Variants in DLGAP2 observed in about 807,000 individuals in gnomAD.
DLGAP2 encodes DLG associated protein 2.
DLGAP2 carries 26 observed loss-of-function variants against 100.3 expected under a neutral mutation model. The observed-to-expected ratio is 0.26, with a 90% confidence interval of 0.19 to 0.36. The LOEUF (loss-of-function observed/expected upper bound fraction) is 0.36, where lower values mean the gene tolerates loss of function less well. Ranked by LOEUF, DLGAP2 falls within the 10% of genes least tolerant of loss-of-function variation. DLGAP2 has a pLI of 1.00. For synonymous variants in DLGAP2, 886 were observed against 630.1 expected (o/e 1.41, Z -6.08); for missense variants, 1,858 against 1,453.2 (o/e 1.28, Z -4.53).
At chr8:1,062,069 G>A (rs1463235326) in intron 2 of DLGAP2, among the ~76,000 whole-genome samples, 2 of 151,828 alleles carry the variant, frequency 1.3e-5, no homozygotes, top group African/African-American at 2.4e-5. Flanking sequence ...GGAGATAGAG[G>A]CACCTGCTTT....
chr8:993,735 G>A (rs1487975042), intron 2 of DLGAP2, among the ~76,000 whole-genome samples: 1 of 150,810 alleles, frequency 6.6e-6, no homozygotes, highest in Non-Finnish European at 1.5e-5. Context: ...GTGGCCAGAG[G>A]AGCAGTTCTC....
rs561961041 is a variant in DLGAP2, at chr8:932,358, T to TA, written c.73+24393dup. On this transcript the variant is annotated intron_variant, in intron 2 of 14. Transcript: ENST00000637795. ...TCTCATGATCCGGTTCTTTTCTTCT[T>TA]ATGATTTGTAAAGGGAAAAATTCTC... Among the ~76,000 whole-genome samples the TA allele has an allele frequency of 5.3e-4, 81 of 152,350 alleles. No individual in the cohort carries two copies. The East Asian group carries it at 0.015, about 28-fold the overall frequency.
intron 3 of DLGAP2, among the ~76,000 whole-genome samples, chr8:1,474,342 CGT>C (rs1194856563): frequency 1.3e-5 from 2 of 152,142 alleles, no homozygotes; most frequent in Non-Finnish European, 1.5e-5. Context: ...GCTATAAACA[CGT>C]GTGTGCAAGT....
chr8:829,653 AC>A (rs1349934613), intron 1 of DLGAP2, among the ~76,000 whole-genome samples: 1 of 152,220 alleles, frequency 6.6e-6, no homozygotes, highest in Non-Finnish European at 1.5e-5. Context: ...CATATGTCTT[AC>A]CATAGAAAAA....
intron 2 of DLGAP2, among the ~76,000 whole-genome samples, chr8:1,084,059 ATTGT>A (rs1422686246): frequency 1.3e-5 from 2 of 152,140 alleles, no homozygotes; most frequent in Non-Finnish European, 2.9e-5. Flanking sequence ...ATTTTATCTC[ATTGT>A]TTGGTCACAT....
At chr8:1,069,097 T>C (rs1803348958) in intron 2 of DLGAP2, among the ~76,000 whole-genome samples, 1 of 152,212 alleles carries the variant, frequency 6.6e-6, no homozygotes, top group African/African-American at 2.4e-5. Flanking sequence ...CACACATTTA[T>C]TGCAGCTGAC....
intron 3 of DLGAP2, among the ~76,000 whole-genome samples, chr8:1,302,964 T>C (rs1800394923): frequency 6.6e-6 from 1 of 152,194 alleles, no homozygotes; most frequent in Admixed American, 6.5e-5. Flanking sequence ...GGAGATTCCA[T>C]CGCCGCAGGA....
chr8:1,331,855 C>T (rs956401390), intron 3 of DLGAP2, among the ~76,000 whole-genome samples: 6 of 152,306 alleles, frequency 3.9e-5, no homozygotes, highest in African/African-American at 1.4e-4. Flanking sequence ...GCTGTGGATC[C>T]CTCCTCTCAG....
chr8:926,785 G>A (rs1020410062), intron 2 of DLGAP2, among the ~76,000 whole-genome samples: 1 of 152,260 alleles, frequency 6.6e-6, no homozygotes, highest in African/African-American at 2.4e-5. Context: ...AGAGCTGGCC[G>A]CACCCACAGG....
intron 3 of DLGAP2, among the ~76,000 whole-genome samples, chr8:1,411,059 G>A (rs1173632877): frequency 6.6e-6 from 1 of 152,144 alleles, no homozygotes; most frequent in Non-Finnish European, 1.5e-5. Context: ...TGACTAAAGT[G>A]TCACCGTGGA....
At chr8:816,039 T>C (rs117464520) in intron 1 of DLGAP2, among the ~76,000 whole-genome samples, 5,434 of 152,318 alleles carry the variant, frequency 0.036, 136 homozygotes, top group Non-Finnish European at 0.057. Context: ...TCCTGCTTGC[T>C]TTTGATGTCC....
intron 4 of DLGAP2, among the ~76,000 whole-genome samples, chr8:1,541,230 G>A (rs1032921339): frequency 6.6e-6 from 1 of 152,102 alleles, no homozygotes; most frequent in African/African-American, 2.4e-5. Context: ...CCATTTATTT[G>A]TTTAATACAT....
intron 1 of DLGAP2, among the ~76,000 whole-genome samples, chr8:868,685 G>A (rs1797542030): frequency 6.6e-6 from 1 of 152,222 alleles, no homozygotes; most frequent in African/African-American, 2.4e-5. Context: ...AGAAGGTGCT[G>A]GTGTGGGCTT....
intron 6 of DLGAP2, among the ~76,000 whole-genome samples, chr8:1,591,299 C>CCCTCTT (rs1796282925): frequency 6.6e-6 from 1 of 151,636 alleles, no homozygotes; most frequent in Non-Finnish European, 1.5e-5. Context: ...CCCTCCCCCT[C>CCCTCTT]CCTCTTCCTA....
At chr8:1,164,876 G>A (rs569732907) in intron 2 of DLGAP2, among the ~76,000 whole-genome samples, 16 of 152,252 alleles carry the variant, frequency 1.1e-4, no homozygotes, top group African/African-American at 3.9e-4. Context: ...TCTCTCTGTG[G>A]TCTCACTCTT....
At chr8:1,565,313 T>C (rs1802352889) in intron 5 of DLGAP2, among the ~76,000 whole-genome samples, 1 of 152,192 alleles carries the variant, frequency 6.6e-6, no homozygotes, top group African/African-American at 2.4e-5. Context: ...TCTTTTTTTT[T>C]TTTCCTTTTC....
At position 748,488 on chromosome 8, in the gene DLGAP2, T is replaced by C. The variant is rs960818539; in HGVS notation, c.18+10663T>C. ...GTTGGTGGGTCAGCATATCCCACAC[T>C]GTGACCCGAGGAGGAAGCCCTTACC... On this transcript the variant is annotated intron_variant, in intron 1 of 14. Coordinates refer to ENST00000637795, the MANE Select transcript of DLGAP2 (RefSeq NM_001346810.2). Among the ~76,000 whole-genome samples the C allele has an allele frequency of 8.5e-5, 13 of 152,224 alleles. No individual in the cohort carries two copies. In the East Asian group the frequency reaches 2.5e-3, roughly 29 times the overall value.
At position 1,130,911 on chromosome 8, in the gene DLGAP2, G is replaced by A. The variant is rs148046763; in HGVS notation, c.74-127940G>A. On this transcript the variant is annotated intron_variant, in intron 2 of 14. Coordinates refer to ENST00000637795, the MANE Select transcript of DLGAP2 (RefSeq NM_001346810.2). Reference sequence around the variant, plus strand: ...TCGGCAGCGGCTGGGCTGAGAGACCGGAGACGGGCCTCCCTGATGAGGGGA... The same window carrying A: ...TCGGCAGCGGCTGGGCTGAGAGACCAGAGACGGGCCTCCCTGATGAGGGGA... 4.2e-3 allele frequency among the ~76,000 whole-genome samples: 632 copies of A among 152,112 alleles called. 9 individuals carry two copies. Among genetic ancestry groups the A allele is most frequent in the Non-Finnish European group, 2.9e-3 (195 of 67,990 alleles).
At chr8:1,381,091 G>C (rs1055368868) in intron 3 of DLGAP2, 1 of 151,976 alleles carries the variant, frequency 6.6e-6, no homozygotes, top group Non-Finnish European at 1.5e-5. Flanking sequence ...TAAAAATAAA[G>C]GTCACGGCGC....
Sources: allele counts gnomAD v4.1 joint callset (sites outside exome capture counted in the v4.1 genomes callset), GRCh38; gene constraint gnomAD v4.1.1; transcripts MANE v1.5; gene names NCBI Gene and HGNC (gene_info 2026-07-23, HGNC 2026-07-21).